The following ZFYVE26 variants were observed in gnomAD, a reference collection of about 807,000 sequenced individuals.
ZFYVE26 encodes the protein zinc finger FYVE domain-containing protein 26.
ZFYVE26 carries 181 observed loss-of-function variants against 276.5 expected under a neutral mutation model. The ratio of observed to expected loss-of-function variants is 0.65; its 90% CI spans 0.58 to 0.74. The LOEUF (loss-of-function observed/expected upper bound fraction) is 0.74. Among genes scored for constraint, ZFYVE26 ranks in the 30% least tolerant of loss-of-function variants. ZFYVE26 has a pLI of 0.00. For missense variants in ZFYVE26, 2,821 were observed against 3,097.9 expected (o/e 0.91, Z 2.12); for synonymous variants, 1,129 against 1,203.1 (o/e 0.94, Z 1.27).
chr14:67,766,337 G>A lies in ZFYVE26; in HGVS notation c.5901C>T (p.Asn1967=), dbSNP rs761823443. 6.8e-6 allele frequency: 11 copies of A among 1,613,290 alleles called. No homozygotes were observed. In the South Asian group the frequency reaches 1.1e-4, roughly 16 times the overall value. Residue 1967 remains asparagine, a synonymous_variant, in exon 32 of 42, where the codon AAC becomes AAT. Transcript: ENST00000347230. ...TGAGCAGCCCGGCATCCACCTCTGG[G>A]TTGGTGAGGCCCTTGGAGAGCCTGC... ...HCCRLSKGLT[N]PEVDAGLLTD...
chr14:67,740,159 A>G (rs2038399079), intron 13 of ZFYVE26, among the ~76,000 whole-genome samples: 2 of 152,200 alleles, frequency 1.3e-5, no homozygotes, highest in Admixed American at 6.5e-5. Flanking sequence ...ACAGTAATAA[A>G]AGCCCACAAA....
At chr14:67,742,510 G>A (rs2038425694), downstream of ZFYVE26, among the ~76,000 whole-genome samples, 1 of 152,172 alleles carries the variant, frequency 6.6e-6, no homozygotes, top group African/African-American at 2.4e-5. Context: ...GAAGTCCTTT[G>A]ATTCTTCTAG....
At position 67,815,988 on chromosome 14, in the gene ZFYVE26, A is replaced by C; in HGVS notation, c.-25T>G. 6.3e-7 allele frequency: 1 copy of C among 1,581,198 alleles called. No individual in the cohort carries two copies. Among genetic ancestry groups the C allele is most frequent in the Non-Finnish European group, 8.6e-7 (1 of 1,162,296 alleles). On this transcript the variant is annotated 5_prime_UTR_variant, in exon 2 of 42. Transcript: ENST00000347230. ...TTTTCCCAGCACAGAGTGCAGGGAG[A>C]TACAAAGAAATGAGTTATGCCGAAC... is the stretch of plus-strand genomic sequence containing the variant.
At chr14:67,759,675 T>C (rs923840649) in intron 35 of ZFYVE26, among the ~76,000 whole-genome samples, 1 of 148,630 alleles carries the variant, frequency 6.7e-6, no homozygotes, top group African/African-American at 2.5e-5. Context: ...AGTAATTTAA[T>C]GAGTCTGGAA....
intron 16 of ZFYVE26, among the ~76,000 whole-genome samples, chr14:67,786,848 T>C (rs979632210): frequency 4.6e-5 from 7 of 152,226 alleles, no homozygotes; most frequent in African/African-American, 1.7e-4. Context: ...AATGGAGTAC[T>C]ATACAGTTAT....
At chr14:67,743,483 C>A (rs1189981767), downstream of ZFYVE26, among the ~76,000 whole-genome samples, 1 of 148,568 alleles carries the variant, frequency 6.7e-6, no homozygotes, top group East Asian at 2.0e-4. Flanking sequence ...AGAGCCAGAC[C>A]CTGTCTCAGT....
At chr14:67,773,183 T>C (rs1052156230) in intron 27 of ZFYVE26, among the ~76,000 whole-genome samples, 2 of 152,202 alleles carry the variant, frequency 1.3e-5, no homozygotes, top group African/African-American at 4.8e-5. Flanking sequence ...TGAAAGTCCT[T>C]ACCTTTCAGA....
chr14:67,798,910 G>A (rs1441566850), intron 10 of ZFYVE26: 4 of 975,934 alleles, frequency 4.1e-6, no homozygotes, highest in African/African-American at 3.2e-5. Context: ...CCCCGGGGAG[G>A]GCGCTGAGCT....
chr14:67,811,354 T>C (rs889415386), intron 3 of ZFYVE26, among the ~76,000 whole-genome samples: 2 of 152,226 alleles, frequency 1.3e-5, no homozygotes, highest in Non-Finnish European at 2.9e-5. Context: ...AAGGATGTCA[T>C]GCAAAAGTGG....
chr14:67,770,039 A>C (rs2039167561), intron 28 of ZFYVE26: 17 of 426,828 alleles, frequency 4.0e-5, no homozygotes, highest in South Asian at 3.7e-4. Context: ...TCACTTTCTA[A>C]GCCAGTGCAG....
intron 31 of ZFYVE26, among the ~76,000 whole-genome samples, chr14:67,766,713 T>A (rs2039069191): frequency 6.6e-6 from 1 of 152,168 alleles, no homozygotes; most frequent in African/African-American, 2.4e-5. Flanking sequence ...CTTCTTTATT[T>A]TTTTGAAACA....
downstream of ZFYVE26, among the ~76,000 whole-genome samples, chr14:67,744,405 TATTA>T (rs1043897436): frequency 5.9e-5 from 9 of 152,164 alleles, no homozygotes; most frequent in African/African-American, 2.2e-4. Flanking sequence ...TAAATTTATT[TATTA>T]TTTATTTTAC....
chr14:67,777,813 A>G (rs957353063), intron 24 of ZFYVE26, 78 bp from the exon 25 acceptor site: 13 of 1,560,652 alleles, frequency 8.3e-6, no homozygotes, highest in Non-Finnish European at 1.1e-5. Flanking sequence ...TTGAGAATAG[A>G]ATATTTAGGT....
At position 67,729,876 on chromosome 14, in the gene ZFYVE26, G is replaced by A. The variant is rs140614667; in HGVS notation, n.2680-57C>T. 2.7e-5 allele frequency: 12 copies of A among 452,084 alleles called. No individual in the cohort carries two copies. In the Middle Eastern group the frequency reaches 3.0e-3, roughly 112 times the overall value. The allele number at this position is 452,084 out of a possible 1,614,324, so 28.0% of individuals were successfully genotyped here. On this transcript the variant is annotated intron_variant and non_coding_transcript_variant, in intron 13 of 14. Transcript: ENST00000394455. Reference sequence around the variant, plus strand: ...CTGAATCTTATCATGAACTCAATGAGCAACTAGAGTCTGGGAGTAAAGGGA... The same window carrying A: ...CTGAATCTTATCATGAACTCAATGAACAACTAGAGTCTGGGAGTAAAGGGA...
rs777742282 is a variant in ZFYVE26 at position 67,776,115 on chromosome 14, G to A, written c.4975-9C>T. On this transcript the variant is annotated splice_polypyrimidine_tract_variant and intron_variant, in intron 25 of 41. Transcript: ENST00000347230. Reference sequence around the variant, plus strand: ...GGCAGGGTCAGCAGAATCTGTTTGTGGGGTAGATCCATAGAGTAAAGAAAA... The same window carrying A: ...GGCAGGGTCAGCAGAATCTGTTTGTAGGGTAGATCCATAGAGTAAAGAAAA... 1.2e-6 allele frequency: 2 copies of A among 1,614,022 alleles called. No individual in the cohort carries two copies. The highest frequency in any genetic ancestry group is 1.7e-5 in the Admixed American group (1 of 60,026).
intron 16 of ZFYVE26, among the ~76,000 whole-genome samples, chr14:67,787,724 C>T (rs2039694232): frequency 6.6e-6 from 1 of 152,134 alleles, no homozygotes; most frequent in Admixed American, 6.5e-5. Flanking sequence ...GATCACTGGA[C>T]ACAAACAGCA....
intron 4 of ZFYVE26, among the ~76,000 whole-genome samples, chr14:67,808,371 C>A (rs931404502): frequency 6.6e-6 from 1 of 152,174 alleles, no homozygotes; most frequent in African/African-American, 2.4e-5. Context: ...CCCAGCCATG[C>A]TTTCAGTCCA....
downstream of ZFYVE26, among the ~76,000 whole-genome samples, chr14:67,742,847 T>C (rs1192719019): frequency 1.1e-4 from 16 of 142,926 alleles, no homozygotes; most frequent in Middle Eastern, 3.4e-3. Context: ...TCTTTTTTTT[T>C]TTTTTTTTTT....
At chr14:67,775,144 T>C in intron 26 of ZFYVE26, 30 bp from the exon 27 acceptor site, 3 of 1,497,048 alleles carry the variant, frequency 2.0e-6, no homozygotes, top group East Asian at 2.3e-5. Flanking sequence ...TGACAAAATA[T>C]GGTTCTACCA....
Sources: gnomAD v4.1 joint callset for allele counts (sites outside exome capture counted in the v4.1 genomes callset) on GRCh38, gnomAD v4.1.1 for gene constraint, MANE v1.5 for transcripts, NCBI Gene and HGNC (gene_info 2026-07-23, HGNC 2026-07-21) for gene names.